The following CNTN5 variants were observed in gnomAD, a reference collection of about 807,000 sequenced individuals.
CNTN5 encodes contactin-5.
CNTN5 carries 77 observed loss-of-function variants against 129.1 expected under a neutral mutation model. That is an observed-to-expected ratio of 0.60 (90% CI 0.50 to 0.72). The LOEUF is 0.72. Among genes scored for constraint, CNTN5 ranks in the 30% least tolerant of loss-of-function variants. The pLI, the probability that CNTN5 is intolerant of heterozygous loss-of-function variation, is 0.00. For synonymous variants in CNTN5, 509 were observed against 465.6 expected (o/e 1.09, Z -1.20); for missense variants, 1,478 against 1,328.8 (o/e 1.11, Z -1.75).
intron 2 of CNTN5, among the ~76,000 whole-genome samples, chr11:99,426,720 C>A (rs1002912064): frequency 1.3e-5 from 2 of 152,070 alleles, no homozygotes; most frequent in African/African-American, 2.4e-5. Flanking sequence ...CCATGTTAGT[C>A]CTTGGGCCTG....
chr11:99,324,540 C>T (rs368763854), intron 1 of CNTN5, among the ~76,000 whole-genome samples: 44 of 152,156 alleles, frequency 2.9e-4, no homozygotes, highest in South Asian at 2.1e-3. Flanking sequence ...TGGGTAGCTA[C>T]GCTAGGTTTT....
At chr11:100,147,604 C>T (rs1018587994) in intron 13 of CNTN5, among the ~76,000 whole-genome samples, 2 of 151,900 alleles carry the variant, frequency 1.3e-5, no homozygotes, top group East Asian at 3.9e-4. Context: ...GCTAGGGGAG[C>T]CTTATATTTT....
At chr11:99,174,168 C>A (rs1591312357) in intron 1 of CNTN5, among the ~76,000 whole-genome samples, 2 of 152,084 alleles carry the variant, frequency 1.3e-5, no homozygotes, top group Admixed American at 1.3e-4. Context: ...CTGACTAATT[C>A]TTGTATTTTC....
intron 3 of CNTN5, among the ~76,000 whole-genome samples, chr11:99,731,773 C>G (rs569780938): frequency 1.3e-5 from 2 of 152,214 alleles, no homozygotes; most frequent in Non-Finnish European, 2.9e-5. Context: ...TTAGAACTTT[C>G]TATACTCCCT....
In CNTN5 at chr11:99,913,489, T is replaced by A. The variant is rs975886312; in HGVS notation, c.578-2565T>A. Among the ~76,000 whole-genome samples the A allele has an allele frequency of 3.3e-5, 5 of 151,984 alleles. No homozygotes were observed. In the East Asian group the frequency reaches 7.7e-4, roughly 23 times the overall value. ...CTCACAATATAAAAAAATCTATTTA[T>A]CTTTGGGCTTCTGGTGCTAAAGTTC... On this transcript the variant is annotated intron_variant, in intron 6 of 24. Coordinates refer to ENST00000524871, the MANE Select transcript of CNTN5 (RefSeq NM_014361.4).
chr11:99,314,556 G>T (rs571506571), intron 1 of CNTN5, among the ~76,000 whole-genome samples: 4 of 152,140 alleles, frequency 2.6e-5, no homozygotes, highest in Admixed American at 2.6e-4. Context: ...GAGAGAAAAG[G>T]CATCTTTCTA....
intron 1 of CNTN5, among the ~76,000 whole-genome samples, chr11:99,169,818 G>A (rs1170591656): frequency 6.6e-6 from 1 of 152,112 alleles, no homozygotes; most frequent in Non-Finnish European, 1.5e-5. Flanking sequence ...ATAACATAAT[G>A]TATAAAACTA....
chr11:99,610,899 C>T (rs1170508621), intron 3 of CNTN5, among the ~76,000 whole-genome samples: 5 of 152,092 alleles, frequency 3.3e-5, no homozygotes, highest in East Asian at 1.9e-4. Flanking sequence ...AAATAAGCAG[C>T]GCTATGTGCT....
intron 3 of CNTN5, among the ~76,000 whole-genome samples, chr11:99,591,459 T>C (rs1949977469): frequency 6.7e-6 from 1 of 148,582 alleles, no homozygotes; most frequent in South Asian, 2.2e-4. Context: ...TGCCTCAGCC[T>C]CCCGAGTAGC....
At chr11:99,275,562 T>C (rs1348253928) in intron 1 of CNTN5, among the ~76,000 whole-genome samples, 4 of 151,674 alleles carry the variant, frequency 2.6e-5, no homozygotes, top group Non-Finnish European at 5.9e-5. Flanking sequence ...CCATTTATTA[T>C]TGTTAATGAC....
chr11:99,082,726 G>A (rs1187112599), intron 1 of CNTN5, among the ~76,000 whole-genome samples: 2 of 152,066 alleles, frequency 1.3e-5, no homozygotes, highest in Non-Finnish European at 2.9e-5. Context: ...TATACTTTAC[G>A]AAAGACTGTG....
chr11:99,584,649 A>G (rs57348486), intron 3 of CNTN5, among the ~76,000 whole-genome samples: 6,561 of 152,276 alleles, frequency 0.043, 460 homozygotes, highest in African/African-American at 0.15. Flanking sequence ...AAATACACAT[A>G]TGTTAGTAAT....
At position 99,968,669 on chromosome 11, in the gene CNTN5, T is replaced by G. The variant is rs967312716; in HGVS notation, c.877+11660T>G. Among the ~76,000 whole-genome samples, 250 of 132,888 alleles carry G rather than the reference T, an allele frequency of 1.9e-3. 2 individuals are homozygous for G. Among genetic ancestry groups the G allele is most frequent in the African/African-American group, 7.3e-3 (240 of 32,764 alleles). 87.2% of individuals were successfully genotyped at this position (132,888 alleles called of 152,430 possible). A position where few individuals can be genotyped will look rare whatever the true frequency, so the allele number is the denominator to read the frequency against. On this transcript the variant is annotated intron_variant, in intron 8 of 24. Coordinates refer to ENST00000524871, the MANE Select transcript of CNTN5 (RefSeq NM_014361.4). ...TAGCTTTGGGTACTTTTTTTTTTTT[T>G]TTTTTTTTTTTTTTTTTGTATTTCC... is the stretch of plus-strand genomic sequence containing the variant.
intron 3 of CNTN5, among the ~76,000 whole-genome samples, chr11:99,810,673 A>G (rs1391939614): frequency 6.6e-6 from 1 of 152,150 alleles, no homozygotes; most frequent in East Asian, 1.9e-4. Context: ...TATTCTCCAC[A>G]CGACTGGCTT....
At chr11:99,766,178 GTTTA>G (rs1419167360) in intron 3 of CNTN5, among the ~76,000 whole-genome samples, 4 of 151,894 alleles carry the variant, frequency 2.6e-5, no homozygotes, top group Admixed American at 6.6e-5. Flanking sequence ...TATGATAAAC[GTTTA>G]TTTAAACTAG....
At chr11:99,403,939 G>C (rs1321583818) in intron 2 of CNTN5, among the ~76,000 whole-genome samples, 2 of 152,118 alleles carry the variant, frequency 1.3e-5, no homozygotes, top group African/African-American at 4.8e-5. Context: ...TTTGTCCAAT[G>C]CTAAAAGTGG....
At chr11:99,520,439 G>C (rs11220278) in intron 2 of CNTN5, among the ~76,000 whole-genome samples, 1 of 152,064 alleles carries the variant, frequency 6.6e-6, no homozygotes, top group African/African-American at 2.4e-5. Flanking sequence ...AAGAAAGATA[G>C]GATGATTAAG....
intron 2 of CNTN5, among the ~76,000 whole-genome samples, chr11:99,367,849 G>T (rs1186936246): frequency 6.6e-6 from 1 of 152,052 alleles, no homozygotes; most frequent in Non-Finnish European, 1.5e-5. Flanking sequence ...ACTCATTTGA[G>T]GTAATTAGAA....
chr11:100,031,591 G>C (rs1172455938), intron 9 of CNTN5, among the ~76,000 whole-genome samples: 1 of 152,170 alleles, frequency 6.6e-6, no homozygotes, highest in Non-Finnish European at 1.5e-5. Context: ...GGTCTAACCA[G>C]TTGTCTAGCT....
Sources: gnomAD v4.1 joint callset for allele counts (sites outside exome capture counted in the v4.1 genomes callset) on GRCh38, gnomAD v4.1.1 for gene constraint, MANE v1.5 for transcripts, NCBI Gene and HGNC (gene_info 2026-07-23, HGNC 2026-07-21) for gene names.